CEMIP: variants seen among roughly 807,000 people sequenced by gnomAD.
CEMIP encodes the protein cell migration-inducing and hyaluronan-binding protein.
In CEMIP, 105 loss-of-function variants were observed where a neutral mutation model predicts 156.9. The observed-to-expected ratio is 0.67, with a 90% CI of 0.57 to 0.79. The LOEUF is 0.79. CEMIP is among the 30% of genes least tolerant of loss of function. The pLI, the probability that CEMIP is intolerant of heterozygous loss-of-function variation, is 0.00. For missense variants in CEMIP, 1,457 were observed against 1,769.4 expected (o/e 0.82, Z 3.17); for synonymous variants, 676 against 668.4 (o/e 1.01, Z -0.17).
chr15:80,886,317 G>C (rs1413886384), intron 7 of CEMIP, among the ~76,000 whole-genome samples: 3 of 152,118 alleles, frequency 2.0e-5, no homozygotes, highest in Non-Finnish European at 2.9e-5. Context: ...GAGGCTGGAG[G>C]GGGGCGGGGG....
rs144514467 is a variant in CEMIP at position 80,879,638 on chromosome 15, G to A, written c.242-78G>A. 26 of 1,564,842 alleles carry A rather than the reference G, an allele frequency of 1.7e-5. No homozygotes were observed. In the East Asian group the frequency reaches 5.8e-4, roughly 35 times the overall value. On this transcript the variant is annotated intron_variant, in intron 4 of 29. Transcript: ENST00000394685. ...CCCCGGTGAGATGGGGAGTGCTTAG[G>A]GAGTCTGCCCTTGGCTCTGATATAA...
intron 13 of CEMIP, among the ~76,000 whole-genome samples, chr15:80,908,399 C>G (rs1899895725): frequency 6.6e-6 from 1 of 152,126 alleles, no homozygotes; most frequent in Non-Finnish European, 1.5e-5. Flanking sequence ...CCAAGACTAT[C>G]CTTCTTTAGT....
intron 14 of CEMIP, among the ~76,000 whole-genome samples, chr15:80,913,912 A>G (rs1439107622): frequency 1.3e-5 from 2 of 152,262 alleles, no homozygotes; most frequent in Non-Finnish European, 2.9e-5. Flanking sequence ...AGCGATGCCT[A>G]AACTCATTCG....
intron 1 of CEMIP, among the ~76,000 whole-genome samples, chr15:80,812,443 C>T (rs146451503): frequency 8.7e-4 from 133 of 152,246 alleles, no homozygotes; most frequent in African/African-American, 2.4e-3. Flanking sequence ...ATCCTAGCTC[C>T]ACCGTTAGTC....
At chr15:80,948,602 C>T (rs1370867061) in intron 29 of CEMIP, 195 bp from the exon 30 acceptor site, 1 of 719,322 alleles carries the variant, frequency 1.4e-6, no homozygotes, top group African/African-American at 1.7e-5. Flanking sequence ...AGGTGAGACC[C>T]TGCCTGCCCC....
intron 1 of CEMIP, among the ~76,000 whole-genome samples, chr15:80,872,479 T>C (rs56066447): frequency 0.053 from 7,873 of 149,000 alleles, 1,031 homozygotes; most frequent in African/African-American, 0.19. Flanking sequence ...AACTTCTATA[T>C]GAGTAAAAGG....
chr15:80,910,699 C>T (rs1462376041), intron 14 of CEMIP, among the ~76,000 whole-genome samples: 1 of 152,172 alleles, frequency 6.6e-6, no homozygotes, highest in East Asian at 1.9e-4. Context: ...GGGCAAGTAG[C>T]TTAACCTCTC....
chr15:80,832,022 GA>G (rs1038109885), intron 1 of CEMIP, among the ~76,000 whole-genome samples: 1 of 152,174 alleles, frequency 6.6e-6, no homozygotes, highest in African/African-American at 2.4e-5. Context: ...CATTCAAATG[GA>G]TACTGTTTTA....
intron 1 of CEMIP, among the ~76,000 whole-genome samples, chr15:80,825,379 G>T (rs570966521): frequency 2.6e-5 from 4 of 152,306 alleles, no homozygotes; most frequent in African/African-American, 7.2e-5. Context: ...ACACATAGTA[G>T]TGAATAGCTG....
intron 1 of CEMIP, among the ~76,000 whole-genome samples, chr15:80,821,251 C>T (rs1182184273): frequency 6.6e-6 from 1 of 152,192 alleles, no homozygotes; most frequent in Non-Finnish European, 1.5e-5. Context: ...TGGCTTATTG[C>T]ATTCAGGAAC....
intron 1 of CEMIP, among the ~76,000 whole-genome samples, chr15:80,864,481 G>T (rs1199748342): frequency 6.6e-6 from 1 of 152,206 alleles, no homozygotes; most frequent in Non-Finnish European, 1.5e-5. Flanking sequence ...GCAACCCTGG[G>T]TAATGGCGAC....
chr15:80,922,475 C>T (rs1013207671), intron 17 of CEMIP, among the ~76,000 whole-genome samples: 3 of 152,186 alleles, frequency 2.0e-5, no homozygotes, highest in Non-Finnish European at 2.9e-5. Flanking sequence ...ATTCACTTGG[C>T]GGGGCTGGGT....
chr15:80,879,890 A>G, intron 5 of CEMIP, 36 bp downstream of exon 5: 13 of 1,612,382 alleles, frequency 8.1e-6, no homozygotes, highest in Non-Finnish European at 1.0e-5. Context: ...AATGCTACCC[A>G]TGGATCTGAC....
At chr15:80,855,503 TTTTC>T (rs1370974897) in intron 1 of CEMIP, among the ~76,000 whole-genome samples, 4 of 152,104 alleles carry the variant, frequency 2.6e-5, no homozygotes, top group African/African-American at 7.2e-5. Context: ...TTCTTTTTTT[TTTTC>T]TTTTTCTTTT....
chr15:80,881,144 T>C lies in CEMIP; in HGVS notation c.617+8T>C, dbSNP rs1898644316. ...AGTCATCCATTCTGACCGGTAAGGT[T>C]TGCCTTCACTTAAACGTATACTCAT... On this transcript the variant is annotated splice_region_variant and intron_variant, in intron 6 of 29. Coordinates refer to ENST00000394685, the MANE Select transcript of CEMIP (RefSeq NM_001293298.2). The C allele has an allele frequency of 4.3e-6, 7 of 1,609,956 alleles. No individual in the cohort carries two copies. Among genetic ancestry groups the C allele is most frequent in the Admixed American group, 3.3e-5 (2 of 60,000 alleles).
chr15:80,944,143 G>A (rs1200460659), intron 28 of CEMIP, among the ~76,000 whole-genome samples: 1 of 152,160 alleles, frequency 6.6e-6, no homozygotes, highest in East Asian at 1.9e-4. Flanking sequence ...AGCTGGGTGT[G>A]GTGGTGCACA....
At chr15:80,945,989 C>T (rs892099728) in intron 28 of CEMIP, among the ~76,000 whole-genome samples, 2 of 152,250 alleles carry the variant, frequency 1.3e-5, no homozygotes, top group African/African-American at 4.8e-5. Context: ...CTTTCAAGCA[C>T]ATTTCCCTTT....
chr15:80,907,591 G>C (rs1451540062), intron 13 of CEMIP, among the ~76,000 whole-genome samples: 1 of 152,122 alleles, frequency 6.6e-6, no homozygotes, highest in Non-Finnish European at 1.5e-5. Context: ...ACAAAAAGAA[G>C]TTGTAGCATT....
intron 1 of CEMIP, among the ~76,000 whole-genome samples, chr15:80,837,015 C>A (rs1205181136): frequency 6.6e-6 from 1 of 152,198 alleles, no homozygotes; most frequent in Admixed American, 6.5e-5. Flanking sequence ...GGCCCCAGAA[C>A]CACTCTCCCC....
Sources: allele counts gnomAD v4.1 joint callset (sites outside exome capture counted in the v4.1 genomes callset), GRCh38; gene constraint gnomAD v4.1.1; transcripts MANE v1.5; gene names NCBI Gene and HGNC (gene_info 2026-07-23, HGNC 2026-07-21).